The following ABI3BP variants were observed in gnomAD, a reference collection of about 807,000 sequenced individuals.
The protein encoded by ABI3BP is ABI family member 3 binding protein.
A neutral mutation model predicts 268.6 loss-of-function variants in ABI3BP; 216 were observed. The observed-to-expected ratio is 0.80, with a 90% CI of 0.72 to 0.90. ABI3BP has a LOEUF of 0.90. ABI3BP is among the 40% of genes least tolerant of loss of function. The pLI is 0.00. For missense variants in ABI3BP, 2,090 were observed against 2,182.4 expected (o/e 0.96, Z 0.84); for synonymous variants, 730 against 730.0 (o/e 1.00, Z 0.00).
At chr3:100,811,199 G>A (rs1578557065) in intron 48 of ABI3BP, 31 bp downstream of exon 48, 37 of 1,520,062 alleles carry the variant, frequency 2.4e-5, no homozygotes, top group Non-Finnish European at 3.1e-5. Context: ...AAGACAGAGA[G>A]CACCCAGGGT....
At chr3:100,826,040 T>C (rs1418415316) in intron 34 of ABI3BP, among the ~76,000 whole-genome samples, 196 bp from the exon 35 acceptor site, 1 of 152,164 alleles carries the variant, frequency 6.6e-6, no homozygotes, top group Non-Finnish European at 1.5e-5. Context: ...CTAATCCTCA[T>C]AGTGAGACCT....
intron 1 of ABI3BP, among the ~76,000 whole-genome samples, chr3:100,959,838 A>T (rs531007157): frequency 2.0e-5 from 3 of 152,326 alleles, no homozygotes; most frequent in Admixed American, 6.5e-5. Context: ...AGTTGTCTCA[A>T]ACTACCACAC....
At position 100,816,721 on chromosome 3, in the gene ABI3BP, TA is replaced by T; in HGVS notation, c.3195del (p.Thr1066HisfsTer33). 1 of 1,535,842 alleles carries T rather than the reference TA, an allele frequency of 6.5e-7. No homozygotes were observed. The highest frequency in any genetic ancestry group is 8.7e-7 in the Non-Finnish European group (1 of 1,146,690). On this transcript the variant is annotated frameshift_variant, in exon 43 of 68. Coordinates refer to ENST00000471714, the MANE Select transcript of ABI3BP (RefSeq NM_001375547.2). LOFTEE classifies it high-confidence loss of function. The part of the protein sequence containing the change: ...RTRRPRPRPK[T>X]TSSPEVPQNK... ...TTCTGAGGTACTTCAGGACTTGATG[TA>T]GTTTTGGGTCTGGGACGGGGACGAC...
intron 4 of ABI3BP, among the ~76,000 whole-genome samples, chr3:100,894,956 A>AAAAAAAAAAAAAAAAAAC (rs1554076985): frequency 7.6e-6 from 1 of 131,440 alleles, no homozygotes; most frequent in Non-Finnish European, 1.7e-5. Context: ...AAAAAAAAAA[A>AAAAAAAAAAAAAAAAAAC]AAAAAAAAAA....
At chr3:100,815,564 G>A (rs2098011241) in intron 44 of ABI3BP, among the ~76,000 whole-genome samples, 1 of 152,098 alleles carries the variant, frequency 6.6e-6, no homozygotes, top group South Asian at 2.1e-4. Flanking sequence ...GTTACTCAAA[G>A]GGAGTTCATG....
rs2099007127 is a variant in ABI3BP at position 100,862,301 on chromosome 3, A to G, written c.1285+10T>C. 6.4e-7 allele frequency: 1 copy of G among 1,573,954 alleles called. No homozygotes were observed. Among genetic ancestry groups the G allele is most frequent in the Non-Finnish European group, 8.6e-7 (1 of 1,158,636 alleles). On this transcript the variant is annotated intron_variant, in intron 14 of 67. Coordinates refer to ENST00000471714, the MANE Select transcript of ABI3BP (RefSeq NM_001375547.2). ...TATAATCGATTTTTTTAAGAAAAGGATTTAATTACCAGTTTGAGGCTGCAG... is the reference window on the plus strand; with the variant it reads ...TATAATCGATTTTTTTAAGAAAAGGGTTTAATTACCAGTTTGAGGCTGCAG...
intron 63 of ABI3BP, among the ~76,000 whole-genome samples, chr3:100,760,891 T>A (rs957459549): frequency 8.5e-5 from 13 of 152,130 alleles, no homozygotes; most frequent in East Asian, 1.9e-4. Context: ...GGTTTTTTTT[T>A]TAAATTTTCA....
chr3:100,832,126 T>G (rs2098504182), intron 31 of ABI3BP, 138 bp downstream of exon 31: 1 of 693,714 alleles, frequency 1.4e-6, no homozygotes, highest in Admixed American at 2.9e-5. Context: ...AAGCTATTCA[T>G]GTTCTCCTCA....
intron 1 of ABI3BP, among the ~76,000 whole-genome samples, chr3:100,981,487 C>A (rs962634559): frequency 5.9e-5 from 9 of 152,022 alleles, no homozygotes; most frequent in African/African-American, 2.2e-4. Flanking sequence ...AGAGGGAGTG[C>A]AGAAAAAGAG....
intron 17 of ABI3BP, 150 bp from the exon 18 acceptor site, chr3:100,849,025 GA>G: frequency 1.5e-6 from 1 of 673,682 alleles, no homozygotes; most frequent in South Asian, 1.7e-5. Context: ...TTATACACAG[GA>G]GGTGCTCAAT....
At chr3:100,915,710 T>C (rs2058382224) in intron 2 of ABI3BP, among the ~76,000 whole-genome samples, 1 of 152,164 alleles carries the variant, frequency 6.6e-6, no homozygotes, top group African/African-American at 2.4e-5. Context: ...AGCAGGGCAT[T>C]AAACCCAGAA....
At chr3:100,751,788 G>T in intron 66 of ABI3BP, 114 bp from the exon 67 acceptor site, 2 of 1,044,992 alleles carry the variant, frequency 1.9e-6, no homozygotes, top group Non-Finnish European at 2.6e-6. Flanking sequence ...TATTACCCTA[G>T]TTCAAACCAA....
At chr3:100,887,498 G>A (rs1285594923) in intron 4 of ABI3BP, among the ~76,000 whole-genome samples, 3 of 151,978 alleles carry the variant, frequency 2.0e-5, no homozygotes, top group African/African-American at 7.2e-5. Flanking sequence ...GAGAAAAATA[G>A]GATTTGAGAT....
At chr3:100,946,649 G>A (rs1324576637) in intron 1 of ABI3BP, among the ~76,000 whole-genome samples, 1 of 151,842 alleles carries the variant, frequency 6.6e-6, no homozygotes, top group East Asian at 1.9e-4. Context: ...TTAACTGGGC[G>A]TGGTGGTGCA....
intron 1 of ABI3BP, among the ~76,000 whole-genome samples, chr3:100,974,880 G>A (rs2085351674): frequency 6.6e-6 from 1 of 152,132 alleles, no homozygotes; most frequent in Non-Finnish European, 1.5e-5. Flanking sequence ...AATGTGACAT[G>A]GAATAACAGG....
Position 100,926,293 on chromosome 3 carries a change from A to C in ABI3BP, c.259+9T>G, listed in dbSNP as rs188597731. The C allele has an allele frequency of 6.2e-7, 1 of 1,612,650 alleles. No homozygotes were observed. Among genetic ancestry groups the C allele is most frequent in the African/African-American group, 1.3e-5 (1 of 74,788 alleles). On this transcript the variant is annotated intron_variant, in intron 2 of 67. Transcript: ENST00000471714. ...CTTTCCTTCCCAGCCCGATACCCAA[A>C]CACCTTACCAACTATAGCTTCTGTG...
chr3:100,889,810 C>A (rs898126902), intron 4 of ABI3BP, among the ~76,000 whole-genome samples: 4 of 152,068 alleles, frequency 2.6e-5, no homozygotes, highest in African/African-American at 9.7e-5. Context: ...GAAAAATCCA[C>A]AGCTCCTCAA....
At chr3:100,869,202 C>T (rs933854189) in intron 9 of ABI3BP, among the ~76,000 whole-genome samples, 2 of 152,012 alleles carry the variant, frequency 1.3e-5, no homozygotes, top group African/African-American at 4.8e-5. Context: ...CTGGCAATCA[C>T]ATTAGCCTAA....
At chr3:100,981,865 AG>A (rs2089648786) in intron 1 of ABI3BP, among the ~76,000 whole-genome samples, 1 of 152,216 alleles carries the variant, frequency 6.6e-6, no homozygotes, top group Non-Finnish European at 1.5e-5. Context: ...CTTTCTGCTC[AG>A]CACCAGTGTC....
Sources: allele counts gnomAD v4.1 joint callset (sites outside exome capture counted in the v4.1 genomes callset), GRCh38; gene constraint gnomAD v4.1.1; transcripts MANE v1.5; gene names NCBI Gene and HGNC (gene_info 2026-07-23, HGNC 2026-07-21).